TOGARAM2: variants seen among roughly 807,000 people sequenced by gnomAD.
The protein encoded by TOGARAM2 is TOG array regulator of axonemal microtubules 2, also known as TOG array regulator of axonemal microtubules protein 2.
A neutral mutation model predicts 93.3 loss-of-function variants in TOGARAM2; 85 were observed. That is an observed-to-expected ratio of 0.91 (90% CI 0.76 to 1.09). The LOEUF is 1.09. Among genes scored for constraint, TOGARAM2 ranks in the 50% least tolerant of loss-of-function variants. The pLI, the probability that TOGARAM2 is intolerant of heterozygous loss-of-function variation, is 0.00. For missense variants in TOGARAM2, 1,277 were observed against 1,334.5 expected, an observed-to-expected ratio of 0.96 and a Z score of 0.67; for synonymous variants, 593 against 552.8, an observed-to-expected ratio of 1.07 and a Z score of -1.02.
intron 6 of TOGARAM2, among the ~76,000 whole-genome samples, chr2:29,006,695 T>C (rs1663898788): frequency 1.3e-5 from 2 of 152,142 alleles, no homozygotes; most frequent in South Asian, 4.1e-4. Context: ...TCTCCGACCC[T>C]GTGGGTTATA....
chr2:29,040,550 G>C (rs547638616), intron 18 of TOGARAM2, among the ~76,000 whole-genome samples: 1 of 152,178 alleles, frequency 6.6e-6, no homozygotes, highest in Non-Finnish European at 1.5e-5. Context: ...TGTGTTCTGA[G>C]CTAGGGTATC....
At chr2:29,041,359 A>C (rs566267887) in intron 18 of TOGARAM2, among the ~76,000 whole-genome samples, 4 of 152,324 alleles carry the variant, frequency 2.6e-5, no homozygotes, top group African/African-American at 9.6e-5. Flanking sequence ...ACGTGACTGC[A>C]TCATAACTTG....
chr2:29,024,402 CG>C, intron 13 of TOGARAM2, 28 bp downstream of exon 13: 1 of 1,306,396 alleles, frequency 7.7e-7, no homozygotes. Flanking sequence ...GTCTGAGGGG[CG>C]GGGAAGTCAG....
chr2:29,007,592 G>A (rs950727141), intron 6 of TOGARAM2, among the ~76,000 whole-genome samples: 2 of 151,840 alleles, frequency 1.3e-5, no homozygotes, highest in African/African-American at 2.4e-5. Context: ...AGCCCTGTGC[G>A]CTCCATCCCC....
intron 1 of TOGARAM2, among the ~76,000 whole-genome samples, chr2:28,959,362 G>A (rs1406684339): frequency 1.3e-5 from 2 of 152,192 alleles, no homozygotes; most frequent in African/African-American, 4.8e-5. Flanking sequence ...AAATCCAGGA[G>A]TTTACATATG....
chr2:29,030,169 G>A lies in TOGARAM2; in HGVS notation c.2013-2765G>A, dbSNP rs546312490. ...CACGTGCCTGTGGTCCCAGCTACTT[G>A]AGAGGCTGAGATAAGAGGATCGCTT... On this transcript the variant is annotated intron_variant, in intron 14 of 19. Coordinates refer to ENST00000379558, the MANE Select transcript of TOGARAM2 (RefSeq NM_199280.4). Among the ~76,000 whole-genome samples the A allele has an allele frequency of 7.2e-5, 11 of 152,252 alleles. No homozygotes were observed. In the East Asian group the frequency reaches 2.1e-3, roughly 30 times the overall value.
intron 7 of TOGARAM2, among the ~76,000 whole-genome samples, chr2:29,012,831 C>T (rs1287351591): frequency 6.6e-6 from 1 of 152,230 alleles, no homozygotes; most frequent in Non-Finnish European, 1.5e-5. Context: ...GGCATTCCTG[C>T]AGTCCTTGCC....
At chr2:29,051,664 C>G (rs1308000344) in intron 19 of TOGARAM2, 92 bp from the exon 20 acceptor site, 4 of 1,085,430 alleles carry the variant, frequency 3.7e-6, no homozygotes, top group Non-Finnish European at 5.2e-6. Flanking sequence ...GGGCTGCCAG[C>G]CCTTTGGGGG....
intron 14 of TOGARAM2, among the ~76,000 whole-genome samples, chr2:29,029,289 ACACACACACT>A (rs2148362798): frequency 1.3e-5 from 2 of 152,230 alleles, no homozygotes; most frequent in South Asian, 4.2e-4. Flanking sequence ...ACACACACAC[ACACACACACT>A]GGAATACTTA....
intron 16 of TOGARAM2, among the ~76,000 whole-genome samples, chr2:29,034,136 T>C (rs2148373609): frequency 6.6e-6 from 1 of 152,190 alleles, no homozygotes; most frequent in Non-Finnish European, 1.5e-5. Flanking sequence ...GCCCACTTCT[T>C]CAAAGGTAAC....
chr2:29,041,797 T>C (rs924108966), intron 18 of TOGARAM2, among the ~76,000 whole-genome samples: 12 of 152,202 alleles, frequency 7.9e-5, no homozygotes, highest in Admixed American at 6.5e-4. Context: ...TAATGGAGTG[T>C]AGATTTTCAG....
chr2:29,038,727 G>C (rs1239216056), intron 18 of TOGARAM2, among the ~76,000 whole-genome samples: 1 of 152,206 alleles, frequency 6.6e-6, no homozygotes, highest in Admixed American at 6.5e-5. Context: ...TTACAGGTGT[G>C]AGCCACCGTG....
At chr2:29,026,418 G>A (rs1037798861) in intron 13 of TOGARAM2, among the ~76,000 whole-genome samples, 10 of 152,130 alleles carry the variant, frequency 6.6e-5, no homozygotes, top group East Asian at 3.9e-4. Flanking sequence ...GTACTTCCCC[G>A]GGGACAAAGA....
chr2:29,040,989 G>A (rs1666399513), intron 18 of TOGARAM2, among the ~76,000 whole-genome samples: 1 of 151,042 alleles, frequency 6.6e-6, no homozygotes, highest in South Asian at 2.1e-4. Context: ...AAAAATCATA[G>A]CATAAGCATT....
chr2:29,003,771 T>C, intron 6 of TOGARAM2, 89 bp downstream of exon 6: 2 of 1,230,028 alleles, frequency 1.6e-6, no homozygotes, highest in Non-Finnish European at 2.2e-6. Flanking sequence ...TGACCCTCCA[T>C]GCTGTGGCAG....
chr2:29,002,684 G>GTC lies in TOGARAM2; in HGVS notation c.576_577insTC (p.Lys193SerfsTer16). On this transcript the variant is annotated frameshift_variant, in exon 5 of 20. Transcript: ENST00000379558. LOFTEE classifies it high-confidence loss of function. Reference sequence around the variant, plus strand: ...CCCCTGAGGCCAGCGGAGTCAAAGAGAAGGGCCTGGACCTACCGGGGAGCA... The same window carrying GTC: ...CCCCTGAGGCCAGCGGAGTCAAAGAGTCAAGGGCCTGGACCTACCGGGGAGCA... 6.2e-7 allele frequency: 1 copy of GTC among 1,614,044 alleles called. No individual in the cohort carries two copies. The highest frequency in any genetic ancestry group is 1.1e-5 in the South Asian group (1 of 91,078).
Position 29,036,680 on chromosome 2 carries a change from C to G in TOGARAM2, c.2558C>G (p.Ala853Gly), listed in dbSNP as rs1666134484. 2 of 1,613,998 alleles carry G rather than the reference C, an allele frequency of 1.2e-6. No individual in the cohort carries two copies. Among genetic ancestry groups the G allele is most frequent in the Non-Finnish European group, 1.7e-6 (2 of 1,179,896 alleles). Residue 853 changes from alanine (A) to glycine (G), a missense_variant, in exon 18 of 20, where the codon GCA (alanine) becomes GGA (glycine). Physicochemically the swap from Ala to Gly is moderately conservative, Grantham distance 60. Transcript: ENST00000379558. ...CTGCTCTCCATCATCATCACTGTTG[C>G]AGACAACCTCAACTCCAAGAACTCA... ...PMLLSIIITV[A>G]DNLNSKNSGI...
At chr2:29,044,658 A>G (rs955642706) in intron 18 of TOGARAM2, among the ~76,000 whole-genome samples, 1 of 151,696 alleles carries the variant, frequency 6.6e-6, no homozygotes, top group Non-Finnish European at 1.5e-5. Context: ...TTGTCAGAGG[A>G]GCCTCTTGAG....
chr2:28,993,416 T>G (rs113869759), intron 1 of TOGARAM2, among the ~76,000 whole-genome samples: 286 of 152,306 alleles, frequency 1.9e-3, no homozygotes, highest in Middle Eastern at 6.8e-3. Flanking sequence ...ACCAGCTGCC[T>G]GGCCAATCTC....
Sources: gnomAD v4.1 joint callset for allele counts (sites outside exome capture counted in the v4.1 genomes callset) on GRCh38, gnomAD v4.1.1 for gene constraint, MANE v1.5 for transcripts, NCBI Gene and HGNC (gene_info 2026-07-23, HGNC 2026-07-21) for gene names.